The following S100A10 variants were observed in gnomAD, a reference collection of about 807,000 sequenced individuals.
The protein encoded by S100A10 is protein S100-A10.
A neutral mutation model predicts 7.1 loss-of-function variants in S100A10; 3 were observed. The observed-to-expected ratio is 0.42, with a 90% CI of 0.19 to 1.10. The LOEUF is 1.10. Among genes scored for constraint, S100A10 ranks in the 50% least tolerant of loss-of-function variants. The probability of loss-of-function intolerance (pLI) is 0.29; values close to 1 mark genes in which losing one functional copy is unlikely to be tolerated. For missense variants in S100A10, 101 were observed against 118.1 expected (o/e 0.86, Z 0.67); for synonymous variants, 41 against 39.3 (o/e 1.04, Z -0.16).
chr1:151,986,502 T>C (rs1211813827), intron 1 of S100A10, among the ~76,000 whole-genome samples: 1 of 152,204 alleles, frequency 6.6e-6, no homozygotes, highest in African/African-American at 2.4e-5. Context: ...ATACAATACA[T>C]TGTAATTAAC....
chr1:151,985,949 G>C, intron 2 of S100A10, 150 bp downstream of exon 2: 1 of 562,742 alleles, frequency 1.8e-6, no homozygotes, highest in Non-Finnish European at 3.1e-6. Flanking sequence ...AATGAATGAG[G>C]TCATTCATTC....
At position 151,983,067 on chromosome 1, in the gene S100A10, C is replaced by T; in HGVS notation, c.*96G>A. 1.2e-6 allele frequency: 1 copy of T among 804,218 alleles called. No individual in the cohort carries two copies. The highest frequency in any genetic ancestry group is 2.7e-5 in the East Asian group (1 of 36,636). 49.8% of individuals were successfully genotyped at this position (804,218 alleles called of 1,614,324 possible). On this transcript the variant is annotated 3_prime_UTR_variant, in exon 3 of 3. Transcript: ENST00000368811. ...CATTTGCTAAGTGTCCTGATCTGCT[C>T]ATGAAATCCTTCTATGGGGGAAGCT...
chr1:151,986,159 G>A lies in S100A10; in HGVS notation c.72C>T (p.Gly24=), dbSNP rs1655783497. The change falls in exon 2 of 3, where the codon GGC becomes GGT. Residue 24 remains glycine (G), a synonymous_variant. Transcript: ENST00000368811. ...CTCTCAGGTCCTCCTTTGTTAAGTA[G>A]CCTTTATCCCCAGCGAATTTGTGAA... is the stretch of plus-strand genomic sequence containing the variant. ...FTFHKFAGDK[G]YLTKEDLRVL... is the part of the protein sequence containing the mutation. The A allele has an allele frequency of 1.2e-6, 2 of 1,609,968 alleles. No homozygotes were observed. The highest frequency in any genetic ancestry group is 1.3e-5 in the African/African-American group (1 of 74,648).
chr1:151,988,011 T>C (rs1221156865), intron 1 of S100A10, among the ~76,000 whole-genome samples: 1 of 152,228 alleles, frequency 6.6e-6, no homozygotes, highest in Non-Finnish European at 1.5e-5. Flanking sequence ...CCTATGTTTT[T>C]AGTGACATTA....
chr1:151,987,665 G>A (rs1012598091), intron 1 of S100A10, among the ~76,000 whole-genome samples: 37 of 147,310 alleles, frequency 2.5e-4, no homozygotes, highest in African/African-American at 8.3e-4. Context: ...TCAGCCTCCC[G>A]AGTAGCTGGG....
intron 1 of S100A10, 22 bp from the exon 2 acceptor site, chr1:151,986,273 C>A (rs1174947257): frequency 1.3e-6 from 2 of 1,539,298 alleles, no homozygotes; most frequent in Non-Finnish European, 1.7e-6. Flanking sequence ...TGTAAAGTAA[C>A]AGGGTCTACA....
intron 1 of S100A10, among the ~76,000 whole-genome samples, chr1:151,992,183 C>T (rs907249877): frequency 6.6e-6 from 1 of 152,176 alleles, no homozygotes; most frequent in Non-Finnish European, 1.5e-5. Context: ...CCCACTCCAA[C>T]CCCTGGCATT....
Position 151,986,256 on chromosome 1 carries a change from T to C in S100A10, c.-21-5A>G, listed in dbSNP as rs760307123. 1 of 1,567,640 alleles carries C rather than the reference T, an allele frequency of 6.4e-7. No individual in the cohort carries two copies. Among genetic ancestry groups the C allele is most frequent in the Non-Finnish European group, 8.6e-7 (1 of 1,160,718 alleles). ...TTTGGTGTGGTCCGTTGAAGCCTAT[T>C]AAAGGATGTAAAGTAACAGGGTCTA... On this transcript the variant is annotated splice_polypyrimidine_tract_variant and splice_region_variant and intron_variant, in intron 1 of 2. Transcript: ENST00000368811.
rs1400460149 is a variant in S100A10, at chr1:151,986,103, A to G, written c.128T>C (p.Leu43Ser). The change falls in exon 2 of 3, where the codon TTG becomes TCG. Residue 43 changes from leucine to serine, a missense_variant. Transcript: ENST00000368811. ...VLMEKEFPGF[L>S]ENQKDPLAVD... ...TGTAAGCTTTTCAACACTTACTTCC[A>G]AAAATCCAGGGAACTCCTTTTCCAT... 3 of 1,590,876 alleles carry G rather than the reference A, an allele frequency of 1.9e-6. No homozygotes were observed. Among genetic ancestry groups the G allele is most frequent in the Non-Finnish European group, 2.6e-6 (3 of 1,172,946 alleles).
chr1:151,988,241 T>C (rs908437640), intron 1 of S100A10, among the ~76,000 whole-genome samples: 2 of 152,228 alleles, frequency 1.3e-5, no homozygotes, highest in African/African-American at 4.8e-5. Flanking sequence ...CAGATAAGCT[T>C]TGGCTAATAT....
chr1:151,990,223 A>T (rs1229490245), intron 1 of S100A10, among the ~76,000 whole-genome samples: 1 of 152,214 alleles, frequency 6.6e-6, no homozygotes, highest in Non-Finnish European at 1.5e-5. Context: ...GGAACAGTAG[A>T]TAGAGTACAC....
At chr1:151,983,560 T>A (rs1174663610) in intron 2 of S100A10, among the ~76,000 whole-genome samples, 1 of 151,924 alleles carries the variant, frequency 6.6e-6, no homozygotes, top group Non-Finnish European at 1.5e-5. Context: ...AAGCTCCTCA[T>A]TTTATGGTTT....
chr1:151,986,219 T>C lies in S100A10; in HGVS notation c.12A>G (p.Gln4=). 1 of 1,604,318 alleles carries C rather than the reference T, an allele frequency of 6.2e-7. No homozygotes were observed. The highest frequency in any genetic ancestry group is 1.1e-5 in the South Asian group (1 of 89,068). Residue 4 remains glutamine, a synonymous_variant, in exon 2 of 3, where the codon CAA becomes CAG. Transcript: ENST00000368811. MPS[Q]MEHAMETMMF... ...TCATGGTTTCCATGGCGTGTTCCAT[T>C]TGAGATGGCATTTTGGTGTGGTCCG...
Position 151,983,302 on chromosome 1 carries a change from A to G in S100A10, c.155T>C (p.Val52Ala), listed in dbSNP as rs1246639839. 1 of 1,559,730 alleles carries G rather than the reference A, an allele frequency of 6.4e-7. No individual in the cohort carries two copies. Among genetic ancestry groups the G allele is most frequent in the Non-Finnish European group, 8.6e-7 (1 of 1,160,988 alleles). ...FLENQKDPLAVDKIMKDLDQC... is the reference protein window; with the variant it reads ...FLENQKDPLAADKIMKDLDQC... ...GTCCAGGTCCTTCATTATTTTGTCCACAGCCAGAGGGTCTTTTTGATTCTG... is the reference window on the plus strand; with the variant it reads ...GTCCAGGTCCTTCATTATTTTGTCCGCAGCCAGAGGGTCTTTTTGATTCTG... Residue 52 changes from valine (V) to alanine (A), a missense_variant, in exon 3 of 3, where the codon GTG (valine) becomes GCG (alanine). Coordinates refer to ENST00000368811, the MANE Select transcript of S100A10 (RefSeq NM_002966.3).
chr1:151,986,503 T>C (rs890253859), intron 1 of S100A10, among the ~76,000 whole-genome samples: 1 of 152,192 alleles, frequency 6.6e-6, no homozygotes, highest in African/African-American at 2.4e-5. Context: ...TACAATACAT[T>C]GTAATTAACT....
At chr1:151,983,654 T>G (rs1035652073) in intron 2 of S100A10, among the ~76,000 whole-genome samples, 2 of 152,196 alleles carry the variant, frequency 1.3e-5, no homozygotes, top group Non-Finnish European at 2.9e-5. Flanking sequence ...AAAAGATATT[T>G]ATGATTTAGG....
At chr1:151,986,047 C>A in intron 2 of S100A10, 52 bp downstream of exon 2, 1 of 1,508,998 alleles carries the variant, frequency 6.6e-7, no homozygotes, top group Non-Finnish European at 8.8e-7. Flanking sequence ...GAACCAAGGC[C>A]TAGAAGCATT....
At chr1:151,984,283 G>C (rs1314317523) in intron 2 of S100A10, 1 of 152,158 alleles carries the variant, frequency 6.6e-6, no homozygotes, top group Non-Finnish European at 1.5e-5. Context: ...AAGTGTGCTA[G>C]ATGTTTCTAA....
intron 2 of S100A10, among the ~76,000 whole-genome samples, chr1:151,985,771 T>A (rs1255116436): frequency 6.6e-6 from 1 of 152,200 alleles, no homozygotes; most frequent in African/African-American, 2.4e-5. Context: ...CAGACACAGA[T>A]AACCCGATGG....
Sources: gnomAD v4.1 joint callset for allele counts (sites outside exome capture counted in the v4.1 genomes callset) on GRCh38, gnomAD v4.1.1 for gene constraint, MANE v1.5 for transcripts, NCBI Gene and HGNC (gene_info 2026-07-23, HGNC 2026-07-21) for gene names.